PRR16: variants seen among roughly 807,000 people sequenced by gnomAD.
PRR16 encodes the protein proline rich 16, also known as protein Largen.
In PRR16, 6 loss-of-function variants were observed where a neutral mutation model predicts 18.2. The ratio of observed to expected loss-of-function variants is 0.33; its 90% CI spans 0.18 to 0.65. The LOEUF is 0.65. Ranked by LOEUF, PRR16 falls within the 30% of genes least tolerant of loss-of-function variation. PRR16 has a pLI of 0.74. For missense variants in PRR16, 412 were observed against 376.6 expected (o/e 1.09, Z -0.78); for synonymous variants, 151 against 147.8 (o/e 1.02, Z -0.16).
At chr5:120,722,446 G>A in the PRR16 span, among the ~76,000 whole-genome samples, 1 of 151,932 alleles carries the variant, frequency 6.6e-6, no homozygotes, top group Non-Finnish European at 1.5e-5. Context: ...CAGTAACTGT[G>A]GTTCACATTT....
intron 1 of PRR16, among the ~76,000 whole-genome samples, chr5:120,540,592 C>T (rs897168972): frequency 6.6e-6 from 1 of 152,138 alleles, no homozygotes; most frequent in African/African-American, 2.4e-5. Context: ...TTGCCCTCCA[C>T]CTTCCTCTCT....
chr5:120,693,247 C>T, the PRR16 span, among the ~76,000 whole-genome samples: 1 of 152,040 alleles, frequency 6.6e-6, no homozygotes, highest in Non-Finnish European at 1.5e-5. Flanking sequence ...ACTTACTCAA[C>T]CAGGTTTGAG....
intron 1 of PRR16, among the ~76,000 whole-genome samples, chr5:120,633,003 G>C (rs2112842603): frequency 6.6e-6 from 1 of 152,160 alleles, no homozygotes; most frequent in East Asian, 1.9e-4. Context: ...AACCTACAAA[G>C]GAAAACCTAT....
intron 1 of PRR16, among the ~76,000 whole-genome samples, chr5:120,471,070 C>T (rs1053239769): frequency 3.9e-5 from 6 of 152,036 alleles, no homozygotes; most frequent in Admixed American, 2.6e-4. Context: ...GCTAATAAAC[C>T]ATTTCATTAT....
Sources: gnomAD v4.1 joint callset for allele counts (sites outside exome capture counted in the v4.1 genomes callset) on GRCh38, gnomAD v4.1.1 for gene constraint, MANE v1.5 for transcripts, NCBI Gene and HGNC (gene_info 2026-07-23, HGNC 2026-07-21) for gene names.